The following RYK variants were observed in gnomAD, a reference collection of about 807,000 sequenced individuals.
The protein encoded by RYK is receptor like tyrosine kinase, also known as inactive tyrosine-protein kinase RYK.
In RYK, 21 loss-of-function variants were observed where a neutral mutation model predicts 70.2. The ratio of observed to expected loss-of-function variants is 0.30; its 90% CI spans 0.21 to 0.43. RYK has a LOEUF of 0.43. Ranked by LOEUF, RYK falls within the 20% of genes least tolerant of loss-of-function variation. The pLI is 1.00. For missense variants in RYK, 604 were observed against 753.3 expected, an observed-to-expected ratio of 0.80 and a Z score of 2.32; for synonymous variants, 267 against 278.0, an observed-to-expected ratio of 0.96 and a Z score of 0.39.
At chr3:134,216,397 T>C (rs1025091560) in intron 2 of RYK, among the ~76,000 whole-genome samples, 1 of 152,002 alleles carries the variant, frequency 6.6e-6, no homozygotes, top group Non-Finnish European at 1.5e-5. Flanking sequence ...TCCTAGAAAA[T>C]GATGACGAAT....
intron 2 of RYK, among the ~76,000 whole-genome samples, chr3:134,215,214 C>A (rs2014515922): frequency 6.7e-6 from 1 of 150,056 alleles, no homozygotes; most frequent in Non-Finnish European, 1.5e-5. Context: ...GGGTCCAGGG[C>A]CATAACTGCA....
In RYK at chr3:134,211,818, TCCACAACAGGA is replaced by T. The variant is rs1318442376; in HGVS notation, c.355-222_355-212del. Among the ~76,000 whole-genome samples the T allele has an allele frequency of 2.0e-5, 3 of 152,312 alleles. No individual in the cohort carries two copies. The East Asian group carries it at 5.8e-4, about 29-fold the overall frequency. Reference sequence around the variant, plus strand: ...CAAGTAAGCCACCCTCTATTTTAAGTCCACAACAGGACCACCACTCTTCCATAAAACCTGCC... The same window carrying T: ...CAAGTAAGCCACCCTCTATTTTAAGTCCACCACTCTTCCATAAAACCTGCC... On this transcript the variant is annotated intron_variant, in intron 2 of 14. Coordinates refer to ENST00000623711, the MANE Select transcript of RYK (RefSeq NM_002958.4).
At chr3:134,235,966 C>A (rs1349548988) in intron 1 of RYK, among the ~76,000 whole-genome samples, 2 of 151,518 alleles carry the variant, frequency 1.3e-5, no homozygotes, top group African/African-American at 2.4e-5. Context: ...AGGGCTGAGA[C>A]AGATCACTTC....
At chr3:134,204,591 C>CCACAGCCACACACACACACACA (rs58130864) in intron 5 of RYK, among the ~76,000 whole-genome samples, 14 of 140,784 alleles carry the variant, frequency 9.9e-5, no homozygotes, top group South Asian at 4.7e-4. Context: ...ACAGCCACAG[C>CCACAGCCACACACACACACACA]CACACACACA....
rs995871518 is a variant in RYK, at chr3:134,241,161, G to A, written c.232+9262C>T. Among the ~76,000 whole-genome samples the A allele has an allele frequency of 7.3e-4, 88 of 121,340 alleles. 1 individual carries two copies. Among genetic ancestry groups the A allele is most frequent in the African/African-American group, 2.8e-3 (85 of 30,416 alleles). The allele number at this position is 121,340 out of a possible 152,430, so 79.6% of individuals were successfully genotyped here. A position where few individuals can be genotyped will look rare whatever the true frequency, so the allele number is the denominator to read the frequency against. On this transcript the variant is annotated intron_variant, in intron 1 of 14. Coordinates refer to ENST00000623711, the MANE Select transcript of RYK (RefSeq NM_002958.4). ...ACCAGTCTGGCCAACATGGTGAAAC[G>A]CCATCTCTACCAAAAAAAAAAAAAA...
Position 134,159,413 on chromosome 3 carries a change from A to G in RYK, c.1576-40T>C, listed in dbSNP as rs140080633. The stretch of plus-strand genomic sequence containing the variant: ...GAAGCACAATGAGGGGACATTTAAA[A>G]CAACAGTCAGGGGGCTAGCGCCCAC... On this transcript the variant is annotated intron_variant, in intron 13 of 14. Coordinates refer to ENST00000623711, the MANE Select transcript of RYK (RefSeq NM_002958.4). 367 of 1,544,138 alleles carry G rather than the reference A, an allele frequency of 2.4e-4. 1 individual carries two copies. In the African/African-American group the frequency reaches 3.0e-3, roughly 13 times the overall value.
chr3:134,244,252 A>G (rs1174156287), intron 1 of RYK, among the ~76,000 whole-genome samples: 4 of 152,120 alleles, frequency 2.6e-5, no homozygotes, highest in Admixed American at 2.0e-4. Context: ...CTGCCCAGCC[A>G]TATGCCACCT....
Position 134,178,031 on chromosome 3 carries a change from T to C in RYK, c.1215A>G (p.Glu405=). 1 of 1,603,290 alleles carries C rather than the reference T, an allele frequency of 6.2e-7. No homozygotes were observed. The highest frequency in any genetic ancestry group is 8.5e-7 in the Non-Finnish European group (1 of 1,171,588). ...PITHVCIEEG[E]KPMVILPYMN... Reference sequence around the variant, plus strand: ...TGTAAGGCAATATCACCATGGGCTTTTCTCCTTCTTCTATACACACATGAG... The same window carrying C: ...TGTAAGGCAATATCACCATGGGCTTCTCTCCTTCTTCTATACACACATGAG... Residue 405 remains glutamate, a synonymous_variant, in exon 11 of 15, where the codon GAA becomes GAG. Coordinates refer to ENST00000623711, the MANE Select transcript of RYK (RefSeq NM_002958.4).
At chr3:134,209,185 T>A (rs2014314553) in intron 4 of RYK, among the ~76,000 whole-genome samples, 2 of 152,188 alleles carry the variant, frequency 1.3e-5, no homozygotes, top group Non-Finnish European at 2.9e-5. Context: ...CTAGATTTAA[T>A]GAACCGTAAA....
chr3:134,210,379 C>T (rs558236434), intron 3 of RYK, among the ~76,000 whole-genome samples: 1 of 152,014 alleles, frequency 6.6e-6, no homozygotes, highest in East Asian at 1.9e-4. Context: ...AATGGGATAA[C>T]AGACTTCAGT....
chr3:134,168,537 C>T (rs376911223), intron 13 of RYK, among the ~76,000 whole-genome samples: 1 of 148,992 alleles, frequency 6.7e-6, no homozygotes, highest in Non-Finnish European at 1.5e-5. Context: ...AACCAAACAC[C>T]GCATGTTCAC....
intron 8 of RYK, among the ~76,000 whole-genome samples, chr3:134,190,502 C>T (rs141136630): frequency 1.3e-3 from 193 of 151,944 alleles, no homozygotes; most frequent in Non-Finnish European, 2.5e-3. Flanking sequence ...AGCATGTGTT[C>T]CTCCATACCC....
At chr3:134,249,424 T>C (rs1275694272) in intron 1 of RYK, among the ~76,000 whole-genome samples, 1 of 152,116 alleles carries the variant, frequency 6.6e-6, no homozygotes, top group African/African-American at 2.4e-5. Flanking sequence ...GAATAATTTT[T>C]CCCCTCAAAC....
At chr3:134,208,932 C>T (rs931331584) in intron 4 of RYK, among the ~76,000 whole-genome samples, 2 of 152,076 alleles carry the variant, frequency 1.3e-5, no homozygotes, top group Non-Finnish European at 2.9e-5. Flanking sequence ...ATTTCCCCCC[C>T]CCATCTTAGA....
At chr3:134,207,257 G>A (rs563173506) in intron 5 of RYK, among the ~76,000 whole-genome samples, 2 of 152,116 alleles carry the variant, frequency 1.3e-5, no homozygotes, top group East Asian at 1.9e-4. Flanking sequence ...TAGCTTACTC[G>A]TTACAAAATA....
chr3:134,223,936 C>A (rs1327792211), intron 1 of RYK, among the ~76,000 whole-genome samples: 4 of 152,112 alleles, frequency 2.6e-5, no homozygotes, highest in Admixed American at 6.6e-5. Flanking sequence ...GGTATTTATC[C>A]TGTAAAATTA....
chr3:134,227,763 G>A (rs937466707), intron 1 of RYK, among the ~76,000 whole-genome samples: 1 of 152,048 alleles, frequency 6.6e-6, no homozygotes, highest in Non-Finnish European at 1.5e-5. Flanking sequence ...TCTGCCTCCC[G>A]GGTTCACGCC....
chr3:134,246,040 A>G (rs1576540591), intron 1 of RYK, among the ~76,000 whole-genome samples: 1 of 151,590 alleles, frequency 6.6e-6, no homozygotes, highest in East Asian at 2.0e-4. Context: ...AAATATTAAA[A>G]ATATATTAAA....
At chr3:134,228,025 C>T (rs1199997195) in intron 1 of RYK, among the ~76,000 whole-genome samples, 3 of 152,224 alleles carry the variant, frequency 2.0e-5, no homozygotes, top group Non-Finnish European at 4.4e-5. Flanking sequence ...TACAGTGGCT[C>T]ATGCCAATAA....
Sources: allele counts gnomAD v4.1 joint callset (sites outside exome capture counted in the v4.1 genomes callset), GRCh38; gene constraint gnomAD v4.1.1; transcripts MANE v1.5; gene names NCBI Gene and HGNC (gene_info 2026-07-23, HGNC 2026-07-21).